Variants in MYOM1 observed in about 807,000 individuals in gnomAD.
MYOM1 encodes the protein myomesin-1.
Under a neutral mutation model 205.3 loss-of-function variants are expected in MYOM1, and 164 were observed. That is an observed-to-expected ratio of 0.80 (90% confidence interval 0.70 to 0.91). MYOM1 has a LOEUF of 0.91. Ranked by LOEUF, MYOM1 falls within the 40% of genes least tolerant of loss-of-function variation. The pLI is 0.00. For missense variants in MYOM1, 2,011 were observed against 2,127.3 expected, an observed-to-expected ratio of 0.95 and a Z score of 1.08; for synonymous variants, 772 against 789.4, an observed-to-expected ratio of 0.98 and a Z score of 0.37.
At chr18:3,080,859 C>T (rs917987213) in intron 33 of MYOM1, among the ~76,000 whole-genome samples, 2 of 152,074 alleles carry the variant, frequency 1.3e-5, no homozygotes, top group South Asian at 2.1e-4. Flanking sequence ...CAGGGCCGGG[C>T]GTGGTGGCTC....
the MYOM1 span, among the ~76,000 whole-genome samples, chr18:3,241,223 CAG>C: frequency 6.6e-6 from 1 of 152,120 alleles, no homozygotes; most frequent in African/African-American, 2.4e-5. Context: ...AAAATATTTC[CAG>C]GGCATCTCAG....
At chr18:3,153,203 T>C (rs985811104) in intron 11 of MYOM1, among the ~76,000 whole-genome samples, 12 of 152,236 alleles carry the variant, frequency 7.9e-5, no homozygotes, top group African/African-American at 2.4e-5. Context: ...TCACTGCTCC[T>C]GACACTTTCC....
chr18:3,199,511 A>G (rs148411060), intron 2 of MYOM1, among the ~76,000 whole-genome samples: 1 of 152,332 alleles, frequency 6.6e-6, no homozygotes, highest in African/African-American at 2.4e-5. Flanking sequence ...CAGGCAAGAG[A>G]GCCTGGAATT....
At chr18:3,103,594 A>G (rs1220286713) in intron 22 of MYOM1, among the ~76,000 whole-genome samples, 1 of 152,212 alleles carries the variant, frequency 6.6e-6, no homozygotes, top group Non-Finnish European at 1.5e-5. Context: ...AAAAATATAT[A>G]TAAAATATAT....
At chr18:3,193,735 A>G in intron 3 of MYOM1, 83 bp downstream of exon 3, 1 of 1,379,782 alleles carries the variant, frequency 7.2e-7, no homozygotes, top group South Asian at 1.5e-5. Context: ...TGTCCACAAC[A>G]ATTATGACTA....
chr18:3,164,470 C>T (rs537997121), intron 9 of MYOM1, 31 bp from the exon 10 acceptor site: 3 of 1,547,412 alleles, frequency 1.9e-6, no homozygotes, highest in South Asian at 2.5e-5. Context: ...AGCAAATTAA[C>T]TTATTTTTGT....
chr18:3,078,802 T>G (rs1002659915), intron 34 of MYOM1, among the ~76,000 whole-genome samples: 2 of 151,994 alleles, frequency 1.3e-5, no homozygotes, highest in Non-Finnish European at 2.9e-5. Context: ...GTCCAGTATT[T>G]TTTTTGACTT....
intron 6 of MYOM1, among the ~76,000 whole-genome samples, chr18:3,175,316 C>T (rs562722182): frequency 2.6e-5 from 4 of 152,150 alleles, no homozygotes; most frequent in Admixed American, 6.5e-5. Context: ...TTCACCTTGA[C>T]ACTTAGGCAC....
At chr18:3,171,219 C>A (rs771798827) in intron 8 of MYOM1, among the ~76,000 whole-genome samples, 48 of 152,176 alleles carry the variant, frequency 3.2e-4, no homozygotes, top group African/African-American at 1.1e-3. Flanking sequence ...CCCTAATCAA[C>A]AGTGAAGTAA....
At chr18:3,143,642 T>G (rs1039280018) in intron 13 of MYOM1, among the ~76,000 whole-genome samples, 1 of 152,176 alleles carries the variant, frequency 6.6e-6, no homozygotes, top group African/African-American at 2.4e-5. Context: ...GGCTCATGCC[T>G]GTAATCCAGA....
intron 8 of MYOM1, among the ~76,000 whole-genome samples, chr18:3,172,449 A>G (rs1277681374): frequency 6.6e-6 from 1 of 152,126 alleles, no homozygotes; most frequent in East Asian, 1.9e-4. Flanking sequence ...GAGGATTGTG[A>G]CGTGATCAAT....
intron 14 of MYOM1, among the ~76,000 whole-genome samples, chr18:3,136,080 T>C (rs966157308): frequency 7.9e-5 from 12 of 151,594 alleles, no homozygotes; most frequent in African/African-American, 2.7e-4. Flanking sequence ...TCATGAGAGC[T>C]GATGGTTTTA....
At chr18:3,175,812 T>C (rs2080630268) in intron 6 of MYOM1, among the ~76,000 whole-genome samples, 1 of 152,230 alleles carries the variant, frequency 6.6e-6, no homozygotes, top group Non-Finnish European at 1.5e-5. Context: ...TTTCTCATCA[T>C]CTTTGACCGA....
chr18:3,174,969 C>A (rs1598743616), intron 6 of MYOM1, among the ~76,000 whole-genome samples: 1 of 152,140 alleles, frequency 6.6e-6, no homozygotes, highest in East Asian at 1.9e-4. Context: ...GGTTTCAAAG[C>A]AGGTTGTTTT....
At chr18:3,160,730 T>C (rs915645131) in intron 10 of MYOM1, among the ~76,000 whole-genome samples, 3 of 152,244 alleles carry the variant, frequency 2.0e-5, no homozygotes, top group African/African-American at 7.2e-5. Context: ...CTTTTCTATT[T>C]ATCTTTTCAA....
At chr18:3,131,043 A>G (rs1001107843) in intron 17 of MYOM1, among the ~76,000 whole-genome samples, 1 of 152,250 alleles carries the variant, frequency 6.6e-6, no homozygotes, top group African/African-American at 2.4e-5. Context: ...TATGGGTGAT[A>G]TACCACTTCA....
Position 3,150,271 on chromosome 18 carries a change from C to T in MYOM1, c.1844-1070G>A, listed in dbSNP as rs112628218. On this transcript the variant is annotated intron_variant, in intron 12 of 37. Coordinates refer to ENST00000356443, the MANE Select transcript of MYOM1 (RefSeq NM_003803.4). The stretch of plus-strand genomic sequence containing the variant: ...GAGACGGGGTTTCGCCATGTTGGCC[C>T]GGCTGGTCACGAACTCCTGACCTCA... 5.3e-3 allele frequency among the ~76,000 whole-genome samples: 804 copies of T among 152,134 alleles called. 7 individuals are homozygous for T. Among genetic ancestry groups the T allele is most frequent in the African/African-American group, 0.018 (753 of 41,510 alleles).
chr18:3,099,002 G>T (rs2143747935), intron 25 of MYOM1, among the ~76,000 whole-genome samples: 1 of 152,260 alleles, frequency 6.6e-6, no homozygotes, highest in South Asian at 2.1e-4. Flanking sequence ...TGCCCAGGGT[G>T]GAGTGCAGTA....
intron 37 of MYOM1, among the ~76,000 whole-genome samples, chr18:3,069,913 A>G (rs2078940688): frequency 6.6e-6 from 1 of 152,250 alleles, no homozygotes; most frequent in African/African-American, 2.4e-5. Context: ...GTTGAGGAAC[A>G]AAAGAACCCC....
Sources: gnomAD v4.1 joint callset for allele counts (sites outside exome capture counted in the v4.1 genomes callset) on GRCh38, gnomAD v4.1.1 for gene constraint, MANE v1.5 for transcripts, NCBI Gene and HGNC (gene_info 2026-07-23, HGNC 2026-07-21) for gene names.